Variants in LHFPL3 observed in about 807,000 individuals in gnomAD.
LHFPL3 encodes the protein LHFPL tetraspan subfamily member 3.
Under a neutral mutation model 19.3 loss-of-function variants are expected in LHFPL3, and 5 were observed. The ratio of observed to expected loss-of-function variants is 0.26; its 90% CI spans 0.14 to 0.54. The LOEUF (loss-of-function observed/expected upper bound fraction) is 0.54. Ranked by LOEUF, LHFPL3 falls within the 20% of genes least tolerant of loss-of-function variation. LHFPL3 has a pLI of 0.94. For synonymous variants in LHFPL3, 133 were observed against 126.2 expected, an observed-to-expected ratio of 1.05 and a Z score of -0.36; for missense variants, 249 against 307.4, an observed-to-expected ratio of 0.81 and a Z score of 1.42.
intron 1 of LHFPL3, among the ~76,000 whole-genome samples, chr7:104,618,235 A>G (rs1198615633): frequency 1.3e-5 from 2 of 152,214 alleles, no homozygotes; most frequent in Non-Finnish European, 2.9e-5. Flanking sequence ...ATGAAGAATA[A>G]TGACATTCTA....
chr7:104,767,384 G>A lies in LHFPL3; in HGVS notation c.682+30473G>A, dbSNP rs866224295. 1.1e-4 allele frequency among the ~76,000 whole-genome samples: 16 copies of A among 152,286 alleles called. No homozygotes were observed. In the Middle Eastern group the frequency reaches 0.01, roughly 97 times the overall value. ...TTCTGTCTTGGAGAGGACCTAGAGAGAATATCTGAAAATTCAGGGAACAGC... is the reference window on the plus strand; with the variant it reads ...TTCTGTCTTGGAGAGGACCTAGAGAAAATATCTGAAAATTCAGGGAACAGC... On this transcript the variant is annotated intron_variant, in intron 2 of 2. Transcript: ENST00000424859.
intron 1 of LHFPL3, among the ~76,000 whole-genome samples, chr7:104,375,203 G>A (rs1299075423): frequency 1.3e-5 from 2 of 152,118 alleles, no homozygotes. Flanking sequence ...GCTGGGTGTG[G>A]TGGTGTGCAC....
chr7:104,346,040 CT>C (rs35726797), intron 1 of LHFPL3, among the ~76,000 whole-genome samples: 34,025 of 140,228 alleles, frequency 0.24, 5,284 homozygotes, highest in African/African-American at 0.44. Context: ...TTTATTCCTT[CT>C]TTTTTTTTTT....
intron 1 of LHFPL3, among the ~76,000 whole-genome samples, chr7:104,697,849 G>T (rs1210810704): frequency 6.6e-6 from 1 of 152,220 alleles, no homozygotes; most frequent in African/African-American, 2.4e-5. Context: ...TAATGGATTA[G>T]CATCCAAGGG....
At chr7:104,407,663 TAA>T (rs1791443956) in intron 1 of LHFPL3, among the ~76,000 whole-genome samples, 1 of 152,052 alleles carries the variant, frequency 6.6e-6, no homozygotes, top group African/African-American at 2.4e-5. Flanking sequence ...TCTCAGGGAA[TAA>T]AAAAAGAGAG....
chr7:104,888,593 G>A (rs1792191935), intron 2 of LHFPL3, among the ~76,000 whole-genome samples: 1 of 152,212 alleles, frequency 6.6e-6, no homozygotes, highest in Non-Finnish European at 1.5e-5. Context: ...GTCCTACTAT[G>A]TGCCAGGCAT....
At chr7:104,634,219 G>T (rs1791693643) in intron 1 of LHFPL3, among the ~76,000 whole-genome samples, 1 of 152,114 alleles carries the variant, frequency 6.6e-6, no homozygotes, top group Non-Finnish European at 1.5e-5. Flanking sequence ...AATACCATAT[G>T]GCAGGTGGCT....
In LHFPL3 at chr7:104,777,547, T is replaced by C. The variant is rs57346322; in HGVS notation, c.682+40636T>C. Among the ~76,000 whole-genome samples the C allele has an allele frequency of 2.8e-4, 42 of 152,362 alleles. 1 individual carries two copies. The East Asian group carries it at 4.8e-3, about 17-fold the overall frequency. On this transcript the variant is annotated intron_variant, in intron 2 of 2. Coordinates refer to ENST00000424859, the MANE Select transcript of LHFPL3 (RefSeq NM_199000.3). The stretch of plus-strand genomic sequence containing the variant: ...AAGGATGCCTTTTGGTTGCTATGTC[T>C]GCAGTTTCTTATTTCCCTTTGCAGT...
intron 2 of LHFPL3, among the ~76,000 whole-genome samples, chr7:104,771,164 G>A (rs1469766727): frequency 2.0e-5 from 3 of 151,994 alleles, no homozygotes; most frequent in South Asian, 2.1e-4. Flanking sequence ...AACTTACCAC[G>A]CTCTGCCAGT....
At chr7:104,773,050 G>A (rs562273324) in intron 2 of LHFPL3, among the ~76,000 whole-genome samples, 76 of 152,314 alleles carry the variant, frequency 5.0e-4, no homozygotes, top group Non-Finnish European at 9.1e-4. Flanking sequence ...TTTTCTCCCT[G>A]GTGGGCTTTC....
intron 2 of LHFPL3, among the ~76,000 whole-genome samples, chr7:104,798,104 C>T (rs376540397): frequency 2.6e-5 from 4 of 152,214 alleles, no homozygotes; most frequent in African/African-American, 9.6e-5. Flanking sequence ...GGCCAAGGTG[C>T]GCAAGTATGT....
chr7:104,427,831 A>C (rs985729714), intron 1 of LHFPL3, among the ~76,000 whole-genome samples: 5 of 152,206 alleles, frequency 3.3e-5, no homozygotes, highest in Non-Finnish European at 7.3e-5. Context: ...AAGTAGCTTA[A>C]ATGTTTCAAT....
chr7:104,550,664 C>T (rs1427659867), intron 1 of LHFPL3, among the ~76,000 whole-genome samples: 2 of 152,100 alleles, frequency 1.3e-5, no homozygotes, highest in East Asian at 1.9e-4. Context: ...CAGTCAATTG[C>T]GCATGTTAGG....
At chr7:104,873,153 T>G (rs756727465) in intron 2 of LHFPL3, among the ~76,000 whole-genome samples, 2 of 152,258 alleles carry the variant, frequency 1.3e-5, no homozygotes, top group African/African-American at 4.8e-5. Flanking sequence ...CTGACTGTAC[T>G]AGACAAGAGT....
intron 2 of LHFPL3, among the ~76,000 whole-genome samples, chr7:104,902,486 C>A (rs887860866): frequency 1.3e-5 from 2 of 151,622 alleles, no homozygotes; most frequent in South Asian, 4.2e-4. Context: ...GAAGGACTGA[C>A]TAATCAATAG....
At chr7:104,459,819 T>G (rs546354606) in intron 1 of LHFPL3, among the ~76,000 whole-genome samples, 1 of 152,338 alleles carries the variant, frequency 6.6e-6, no homozygotes, top group Non-Finnish European at 1.5e-5. Context: ...TTAACCTTAA[T>G]TTTAAAAAAG....
At chr7:104,609,439 A>AT (rs1357709797) in intron 1 of LHFPL3, among the ~76,000 whole-genome samples, 1 of 152,162 alleles carries the variant, frequency 6.6e-6, no homozygotes, top group African/African-American at 2.4e-5. Flanking sequence ...ACAAGTAGAT[A>AT]TTTTTTACTT....
At chr7:104,513,298 T>C (rs1793856597) in intron 1 of LHFPL3, among the ~76,000 whole-genome samples, 1 of 152,160 alleles carries the variant, frequency 6.6e-6, no homozygotes, top group Non-Finnish European at 1.5e-5. Flanking sequence ...CTTCAGCCCA[T>C]ATGACTTACT....
chr7:104,732,000 G>A (rs1258994009), intron 1 of LHFPL3, among the ~76,000 whole-genome samples: 1 of 152,096 alleles, frequency 6.6e-6, no homozygotes, highest in African/African-American at 2.4e-5. Flanking sequence ...TTTTGTCTTT[G>A]GTTCTGTTTA....
Sources: allele counts gnomAD v4.1 joint callset (sites outside exome capture counted in the v4.1 genomes callset), GRCh38; gene constraint gnomAD v4.1.1; transcripts MANE v1.5; gene names NCBI Gene and HGNC (gene_info 2026-07-23, HGNC 2026-07-21).